NRXN1: variants seen among roughly 807,000 people sequenced by gnomAD.
NRXN1 encodes the protein neurexin 1, also known as neurexin-1.
Under a neutral mutation model 150.9 loss-of-function variants are expected in NRXN1, and 39 were observed. The observed-to-expected ratio is 0.26, with a 90% CI of 0.20 to 0.34. NRXN1 has a LOEUF of 0.34. Among genes scored for constraint, NRXN1 ranks in the 10% least tolerant of loss-of-function variants. The pLI, the probability that NRXN1 is intolerant of heterozygous loss-of-function variation, is 1.00. For missense variants in NRXN1, 1,815 were observed against 1,949.9 expected (o/e 0.93, Z 1.30); for synonymous variants, 924 against 757.0 (o/e 1.22, Z -3.62).
rs1386101524 is a variant in NRXN1, at chr2:49,973,375, C to G, written c.4129-29584G>C. ...AATATTTACATTAATCAGGTTTAAT[C>G]ACTGATCACTAATACGTTTTCTGTT... On this transcript the variant is annotated intron_variant, in intron 21 of 22. Coordinates refer to ENST00000401669, the MANE Select transcript of NRXN1 (RefSeq NM_001330078.2). Among the ~76,000 whole-genome samples the G allele has an allele frequency of 3.3e-5, 5 of 152,068 alleles. No individual in the cohort carries two copies. The East Asian group carries it at 9.6e-4, about 29-fold the overall frequency.
At chr2:50,772,320 A>G (rs1703106449) in intron 5 of NRXN1, among the ~76,000 whole-genome samples, 1 of 151,806 alleles carries the variant, frequency 6.6e-6, no homozygotes, top group Non-Finnish European at 1.5e-5. Flanking sequence ...GCTGCTGATA[A>G]TAAACAAAAA....
rs1668280575 is a variant in NRXN1 at position 49,921,962 on chromosome 2, ATCC to A, written c.4503_4505del (p.Lys1501_Asp1502delinsAsn). On this transcript the variant is annotated inframe_deletion, in exon 23 of 23. Transcript: ENST00000401669. ...CTTGGGATCAGACATAATACTCTTTATCCTTGTTTTTCTTATTTTTGTTGGAGC... is the reference window on the plus strand; with the variant it reads ...CTTGGGATCAGACATAATACTCTTTATTGTTTTTCTTATTTTTGTTGGAGC... 1 of 1,614,126 alleles carries A rather than the reference ATCC, an allele frequency of 6.2e-7. No homozygotes were observed. Among genetic ancestry groups the A allele is most frequent in the South Asian group, 1.1e-5 (1 of 91,080 alleles).
intron 17 of NRXN1, among the ~76,000 whole-genome samples, chr2:50,380,024 T>G (rs781577845): frequency 6.6e-6 from 1 of 152,114 alleles, no homozygotes; most frequent in Non-Finnish European, 1.5e-5. Flanking sequence ...TAGGATAATA[T>G]CCAATATGAG....
intron 17 of NRXN1, among the ~76,000 whole-genome samples, chr2:50,247,805 A>T (rs1156438703): frequency 6.6e-6 from 1 of 152,132 alleles, no homozygotes; most frequent in Non-Finnish European, 1.5e-5. Context: ...AGGTTTGATT[A>T]AGGTCTGACT....
At chr2:50,015,830 G>C (rs1391477139) in intron 21 of NRXN1, among the ~76,000 whole-genome samples, 2 of 152,072 alleles carry the variant, frequency 1.3e-5, no homozygotes, top group Non-Finnish European at 2.9e-5. Flanking sequence ...AGTTCTACCT[G>C]TGAAATCTGA....
intron 2 of NRXN1, among the ~76,000 whole-genome samples, chr2:50,965,659 T>C (rs886833188): frequency 6.6e-6 from 1 of 151,554 alleles, no homozygotes; most frequent in African/African-American, 2.4e-5. Context: ...GATATTTTGA[T>C]GCCATGCTTA....
intron 8 of NRXN1, among the ~76,000 whole-genome samples, chr2:50,577,169 A>C (rs1184117691): frequency 2.0e-5 from 3 of 152,174 alleles, no homozygotes; most frequent in Admixed American, 6.5e-5. Flanking sequence ...TCAATGAATA[A>C]GTAATGTAAG....
intron 5 of NRXN1, among the ~76,000 whole-genome samples, chr2:50,651,539 A>G (rs550901208): frequency 6.6e-6 from 1 of 151,848 alleles, no homozygotes; most frequent in Non-Finnish European, 1.5e-5. Flanking sequence ...CATAACATAA[A>G]ATACACTGGG....
Position 50,805,410 on chromosome 2 carries a change from T to G in NRXN1, c.832+116459A>C, listed in dbSNP as rs190403055. Among the ~76,000 whole-genome samples, 105 of 152,242 alleles carry G rather than the reference T, an allele frequency of 6.9e-4. 1 individual carries two copies. The highest frequency in any genetic ancestry group is 2.5e-3 in the African/African-American group (103 of 41,550). ...TGGCTCAAGCCTGTAATCCCAGCAC[T>G]GTGGGAGGCCGAGGTGGGCAGATCA... On this transcript the variant is annotated intron_variant, in intron 5 of 22. Transcript: ENST00000401669.
chr2:50,890,464 G>A (rs1680884744), intron 5 of NRXN1, among the ~76,000 whole-genome samples: 1 of 151,686 alleles, frequency 6.6e-6, no homozygotes, highest in African/African-American at 2.4e-5. Flanking sequence ...CATTTAAGGA[G>A]TGAAAATTTA....
intron 5 of NRXN1, among the ~76,000 whole-genome samples, chr2:50,777,118 C>G (rs1207395423): frequency 6.6e-6 from 1 of 152,036 alleles, no homozygotes; most frequent in Non-Finnish European, 1.5e-5. Context: ...AATGTGTATT[C>G]TCAGATGGTG....
intron 17 of NRXN1, among the ~76,000 whole-genome samples, chr2:50,454,326 G>A (rs988363258): frequency 7.2e-5 from 11 of 151,930 alleles, no homozygotes; most frequent in South Asian, 4.2e-4. Flanking sequence ...AATCCATCTC[G>A]AAGTAAATAA....
chr2:50,070,630 C>T (rs908414707), intron 19 of NRXN1, among the ~76,000 whole-genome samples: 2 of 151,654 alleles, frequency 1.3e-5, no homozygotes, highest in Non-Finnish European at 2.9e-5. Context: ...ATTATCCGGG[C>T]GTAGTGGCGG....
intron 2 of NRXN1, among the ~76,000 whole-genome samples, chr2:50,927,180 A>T (rs1687032249): frequency 6.6e-6 from 1 of 152,054 alleles, no homozygotes; most frequent in Non-Finnish European, 1.5e-5. Flanking sequence ...ACTTGAAAGC[A>T]AAAACAACTA....
At chr2:50,772,931 G>A (rs1039402520) in intron 5 of NRXN1, among the ~76,000 whole-genome samples, 2 of 152,070 alleles carry the variant, frequency 1.3e-5, no homozygotes, top group Admixed American at 1.3e-4. Context: ...ACAAAAGGAG[G>A]AGCCTCGTCC....
intron 17 of NRXN1, among the ~76,000 whole-genome samples, chr2:50,370,874 A>G (rs751749442): frequency 4.4e-4 from 67 of 151,962 alleles, no homozygotes; most frequent in Non-Finnish European, 7.9e-4. Context: ...TTACCCTCCT[A>G]TGATATTTTT....
intron 5 of NRXN1, chr2:50,631,193 A>G (rs1352098841): frequency 2.4e-6 from 1 of 409,524 alleles, no homozygotes; most frequent in Non-Finnish European, 4.8e-6. Context: ...CAACATATGT[A>G]AATTCTGAGT....
At chr2:50,588,487 G>C (rs942143437) in intron 8 of NRXN1, among the ~76,000 whole-genome samples, 1 of 152,128 alleles carries the variant, frequency 6.6e-6, no homozygotes, top group Non-Finnish European at 1.5e-5. Flanking sequence ...GAACTCTAGA[G>C]TGCTGAATGT....
intron 18 of NRXN1, among the ~76,000 whole-genome samples, chr2:50,220,101 G>C (rs1195663896): frequency 6.8e-6 from 1 of 146,002 alleles, no homozygotes; most frequent in Non-Finnish European, 1.5e-5. Context: ...GGCAGACTTA[G>C]AGAGAAATAT....
Sources: gnomAD v4.1 joint callset for allele counts (sites outside exome capture counted in the v4.1 genomes callset) on GRCh38, gnomAD v4.1.1 for gene constraint, MANE v1.5 for transcripts, NCBI Gene and HGNC (gene_info 2026-07-23, HGNC 2026-07-21) for gene names.